DENND2A: variants seen among roughly 807,000 people sequenced by gnomAD.
The protein encoded by DENND2A is DENN domain-containing protein 2A.
Under a neutral mutation model 105.3 loss-of-function variants are expected in DENND2A, and 53 were observed. The observed-to-expected ratio is 0.50, with a 90% CI of 0.40 to 0.63. The LOEUF (loss-of-function observed/expected upper bound fraction) is 0.63. Among genes scored for constraint, DENND2A ranks in the 30% least tolerant of loss-of-function variants. The pLI, the probability that DENND2A is intolerant of heterozygous loss-of-function variation, is 0.00. For missense variants in DENND2A, 1,138 were observed against 1,279.6 expected (o/e 0.89, Z 1.69); for synonymous variants, 522 against 508.4 (o/e 1.03, Z -0.36).
intron 18 of DENND2A, among the ~76,000 whole-genome samples, chr7:140,520,368 C>G (rs1171484085): frequency 6.6e-6 from 1 of 151,886 alleles, no homozygotes; most frequent in Non-Finnish European, 1.5e-5. Context: ...TGTGCTCTCC[C>G]ATTTCCCTGC....
rs199826292 is a variant in DENND2A, at chr7:140,567,288, G to GAGAGAGAA, written c.1592-23_1592-16dup. On this transcript the variant is annotated splice_polypyrimidine_tract_variant and intron_variant, in intron 8 of 19. Coordinates refer to ENST00000496613, the MANE Select transcript of DENND2A (RefSeq NM_015689.5). ...CTGGCTGTGAGCTGGGTGAGGGAGG[G>GAGAGAGAA]AGAGAGAAAGAGAGAAAGAGAGAGA... 1.8e-5 allele frequency: 24 copies of GAGAGAGAA among 1,331,834 alleles called. No individual in the cohort carries two copies. The Admixed American group carries it at 2.0e-4, about 11-fold the overall frequency. 82.5% of individuals were successfully genotyped at this position (1,331,834 alleles called of 1,614,324 possible). A position where few individuals can be genotyped will look rare whatever the true frequency, so the allele number is the denominator to read the frequency against.
intron 1 of DENND2A, among the ~76,000 whole-genome samples, chr7:140,606,720 T>C (rs1799699654): frequency 6.6e-6 from 1 of 152,150 alleles, no homozygotes; most frequent in African/African-American, 2.4e-5. Flanking sequence ...GGAGATGGTC[T>C]TGGCAAACCC....
At chr7:140,524,885 CTTTT>C (rs773550888) in intron 16 of DENND2A, among the ~76,000 whole-genome samples, 4 of 133,028 alleles carry the variant, frequency 3.0e-5, no homozygotes, top group Non-Finnish European at 3.2e-5. Context: ...GGCAAATATT[CTTTT>C]TTTTTTTTTT....
intron 1 of DENND2A, among the ~76,000 whole-genome samples, chr7:140,633,193 T>A (rs2130740721): frequency 6.6e-6 from 1 of 152,202 alleles, no homozygotes; most frequent in African/African-American, 2.4e-5. Context: ...CATGCCCGAC[T>A]AATTTTTTGT....
chr7:140,617,775 C>T (rs557054023), intron 1 of DENND2A, among the ~76,000 whole-genome samples: 4 of 152,292 alleles, frequency 2.6e-5, no homozygotes, highest in African/African-American at 9.6e-5. Flanking sequence ...GTCAGCTTGT[C>T]TGACAAATGA....
chr7:140,568,549 C>T (rs1216189513), intron 8 of DENND2A, among the ~76,000 whole-genome samples: 2 of 152,178 alleles, frequency 1.3e-5, no homozygotes, highest in East Asian at 3.9e-4. Flanking sequence ...TTACTGCAGC[C>T]ACCCTGGCTC....
chr7:140,601,828 G>A lies in DENND2A; in HGVS notation c.570C>T (p.Cys190=), dbSNP rs1799514708. The change falls in exon 3 of 20, where the codon TGC becomes TGT. Residue 190 remains cysteine (C), a synonymous_variant. Transcript: ENST00000496613. ...ACCCTGCCTCTGCCTTGTCAGGAGG[G>A]CAGTGTGGGGAGTAACAAGTCCCTG... ...QLPGTCYSPH[C]PPDKAEAGST... 1.9e-6 allele frequency: 3 copies of A among 1,614,162 alleles called. No homozygotes were observed. Among genetic ancestry groups the A allele is most frequent in the Non-Finnish European group, 2.5e-6 (3 of 1,180,022 alleles).
At chr7:140,617,547 T>C (rs1405884220) in intron 1 of DENND2A, among the ~76,000 whole-genome samples, 1 of 152,118 alleles carries the variant, frequency 6.6e-6, no homozygotes, top group Non-Finnish European at 1.5e-5. Flanking sequence ...TGAAACCGTC[T>C]CTACAAAAAT....
rs544552381 is a variant in DENND2A at position 140,557,269 on chromosome 7, G to A, written c.1959+874C>T. The stretch of plus-strand genomic sequence containing the variant: ...ATAATTAAAAAATTAGCCATGTGTG[G>A]TGGTACATGCCTGTGGTCCCAGCTA... On this transcript the variant is annotated intron_variant, in intron 11 of 19. Transcript: ENST00000496613. Among the ~76,000 whole-genome samples the A allele has an allele frequency of 5.3e-5, 8 of 151,428 alleles. No homozygotes were observed. The East Asian group carries it at 1.4e-3, about 26-fold the overall frequency.
intron 14 of DENND2A, among the ~76,000 whole-genome samples, chr7:140,541,741 T>TGCAAG (rs1796668431): frequency 2.6e-5 from 4 of 152,346 alleles, no homozygotes; most frequent in African/African-American, 9.6e-5. Flanking sequence ...AGAGAGGGCC[T>TGCAAG]GCTTCCTGAG....
At chr7:140,561,779 T>TC (rs1487356116) in intron 9 of DENND2A, among the ~76,000 whole-genome samples, 1 of 151,640 alleles carries the variant, frequency 6.6e-6, no homozygotes. Flanking sequence ...CCTCGCAGAA[T>TC]GTTGGGATTA....
intron 1 of DENND2A, among the ~76,000 whole-genome samples, chr7:140,610,546 A>G (rs1799857691): frequency 6.6e-6 from 1 of 152,166 alleles, no homozygotes; most frequent in Non-Finnish European, 1.5e-5. Context: ...ATATATGTAT[A>G]TAATTTTACA....
chr7:140,639,382 G>T (rs1241511793), intron 1 of DENND2A, among the ~76,000 whole-genome samples: 1 of 151,792 alleles, frequency 6.6e-6, no homozygotes, highest in Non-Finnish European at 1.5e-5. Context: ...CAAACGAAAG[G>T]ACTGGAGGCC....
chr7:140,603,007 A>C (rs180832662), intron 2 of DENND2A, among the ~76,000 whole-genome samples: 1 of 148,840 alleles, frequency 6.7e-6, no homozygotes, highest in Admixed American at 6.7e-5. Context: ...AATATGGGCC[A>C]GGCATTGTGG....
intron 1 of DENND2A, among the ~76,000 whole-genome samples, chr7:140,636,457 C>T (rs140979300): frequency 3.7e-4 from 57 of 152,264 alleles, no homozygotes; most frequent in Middle Eastern, 6.8e-3. Context: ...CAAGCAGGGC[C>T]AGCCTTGTCC....
intron 13 of DENND2A, among the ~76,000 whole-genome samples, chr7:140,545,647 G>A (rs1796865049): frequency 6.6e-6 from 1 of 152,232 alleles, no homozygotes; most frequent in Non-Finnish European, 1.5e-5. Flanking sequence ...GATTACAGGT[G>A]TGAGCCACCG....
chr7:140,546,396 C>T (rs1451992023), intron 13 of DENND2A, among the ~76,000 whole-genome samples: 10 of 151,928 alleles, frequency 6.6e-5, no homozygotes, highest in Non-Finnish European at 1.0e-4. Context: ...CCAGCCTGGG[C>T]GACAGTGCAA....
At chr7:140,618,337 A>G (rs1389895373) in intron 1 of DENND2A, among the ~76,000 whole-genome samples, 1 of 152,246 alleles carries the variant, frequency 6.6e-6, no homozygotes, top group Non-Finnish European at 1.5e-5. Flanking sequence ...GGGAAGAGTC[A>G]GGTTCCAACT....
At chr7:140,537,778 A>G (rs541163805) in intron 14 of DENND2A, among the ~76,000 whole-genome samples, 58 of 152,314 alleles carry the variant, frequency 3.8e-4, no homozygotes, top group African/African-American at 1.3e-3. Context: ...TGCTAAGATT[A>G]TGGGCGTGAG....
Sources: allele counts gnomAD v4.1 joint callset (sites outside exome capture counted in the v4.1 genomes callset), GRCh38; gene constraint gnomAD v4.1.1; transcripts MANE v1.5; gene names NCBI Gene and HGNC (gene_info 2026-07-23, HGNC 2026-07-21).